Variants in GALNT3 observed in about 807,000 individuals in gnomAD.
GALNT3 encodes GalNAc transferase 3.
In GALNT3, 51 loss-of-function variants were observed where a neutral mutation model predicts 69.8. The observed-to-expected ratio is 0.73, with a 90% confidence interval of 0.58 to 0.92. The LOEUF (loss-of-function observed/expected upper bound fraction) is 0.92, where lower values mean the gene tolerates loss of function less well. Ranked by LOEUF, GALNT3 falls within the 40% of genes least tolerant of loss-of-function variation. The pLI, the probability that GALNT3 is intolerant of heterozygous loss-of-function variation, is 0.00. For synonymous variants in GALNT3, 265 were observed against 248.5 expected (o/e 1.07, Z -0.63); for missense variants, 711 against 760.0 (o/e 0.94, Z 0.76).
intron 4 of GALNT3, among the ~76,000 whole-genome samples, chr2:165,760,457 C>G (rs1442691973): frequency 6.6e-6 from 1 of 152,200 alleles, no homozygotes; most frequent in Non-Finnish European, 1.5e-5. Context: ...GGGCTCCCCA[C>G]AAAGCAGTAT....
intron 1 of GALNT3, among the ~76,000 whole-genome samples, chr2:165,780,036 C>T (rs950900705): frequency 8.5e-5 from 13 of 152,134 alleles, no homozygotes; most frequent in South Asian, 2.1e-4. Context: ...GGCTGATCCC[C>T]GCAGGGGCTC....
At chr2:165,779,203 G>A (rs1453207019) in intron 1 of GALNT3, among the ~76,000 whole-genome samples, 1 of 152,156 alleles carries the variant, frequency 6.6e-6, no homozygotes, top group Non-Finnish European at 1.5e-5. Context: ...ACCAGAAAGA[G>A]AAGCCTCAGC....
At chr2:165,778,821 CAGG>C (rs1683035257) in intron 1 of GALNT3, among the ~76,000 whole-genome samples, 2 of 152,310 alleles carry the variant, frequency 1.3e-5, no homozygotes, top group East Asian at 1.9e-4. Flanking sequence ...TTGTCCCCTG[CAGG>C]AGTTTAGTGA....
chr2:165,755,743 T>C (rs536019939), intron 7 of GALNT3, among the ~76,000 whole-genome samples: 14 of 152,324 alleles, frequency 9.2e-5, no homozygotes, highest in African/African-American at 2.6e-4. Flanking sequence ...AAAAAGTACA[T>C]GTAATATCTA....
chr2:165,771,247 T>C (rs1281864134), intron 1 of GALNT3: 1 of 152,196 alleles, frequency 6.6e-6, no homozygotes, highest in African/African-American at 2.4e-5. Flanking sequence ...ATAGTGGCCT[T>C]CATTTTATGT....
chr2:165,785,432 G>T (rs566818775), intron 1 of GALNT3, among the ~76,000 whole-genome samples: 1 of 152,024 alleles, frequency 6.6e-6, no homozygotes, highest in African/African-American at 2.4e-5. Flanking sequence ...TGGTGTCAGA[G>T]GGCAACAGTG....
At chr2:165,793,203 T>C (rs1683388977) in intron 1 of GALNT3, among the ~76,000 whole-genome samples, 1 of 152,284 alleles carries the variant, frequency 6.6e-6, no homozygotes. Context: ...GGCAGGATCC[T>C]GAAACAATGT....
At position 165,760,138 on chromosome 2, in the gene GALNT3, T is replaced by C. The variant is rs527396222; in HGVS notation, c.839-568A>G. On this transcript the variant is annotated intron_variant, in intron 4 of 10. Coordinates refer to ENST00000392701, the MANE Select transcript of GALNT3 (RefSeq NM_004482.4). ...GTTAAAATGGCCTATGAGTCAAAGG[T>C]AGCTTTTTGCTGTTCCACATTACCT... Among the ~76,000 whole-genome samples the C allele has an allele frequency of 3.3e-5, 5 of 152,318 alleles. No individual in the cohort carries two copies. The South Asian group carries it at 1.0e-3, about 32-fold the overall frequency.
Position 165,770,545 on chromosome 2 carries a change from C to G in GALNT3, c.156G>C (p.Met52Ile). The change falls in exon 2 of 11, where the codon ATG becomes ATC. Residue 52 changes from methionine to isoleucine, a missense_variant. Met to Ile is a conservative substitution (Grantham distance 10, BLOSUM62 1). Coordinates refer to ENST00000392701, the MANE Select transcript of GALNT3 (RefSeq NM_004482.4). ...SVQYSKEESRMERNMKNKNKM... is the reference protein window; with the variant it reads ...SVQYSKEESRIERNMKNKNKM... ...TGTTTTTGTTTTTCATGTTCCTTTC[C>G]ATCCTTGATTCCTCTTTGGAATATT... 6.2e-7 allele frequency: 1 copy of G among 1,614,010 alleles called. No individual in the cohort carries two copies. Among genetic ancestry groups the G allele is most frequent in the Non-Finnish European group, 8.5e-7 (1 of 1,179,958 alleles).
intron 1 of GALNT3, among the ~76,000 whole-genome samples, chr2:165,787,681 C>T (rs899063251): frequency 3.3e-5 from 5 of 152,198 alleles, no homozygotes; most frequent in Non-Finnish European, 5.9e-5. Flanking sequence ...GAAAGGACTG[C>T]TAATTCCAAG....
chr2:165,794,291 T>TGCGCGCCA (rs1206238940), upstream of GALNT3: 1 of 152,408 alleles, frequency 6.6e-6, no homozygotes, highest in Non-Finnish European at 1.5e-5. Context: ...CTTCCGCGCC[T>TGCGCGCCA]GCGCGCCAGC....
rs1688283911 is a variant in GALNT3 at position 165,747,675 on chromosome 2, C to A, written c.*1106G>T. Reference sequence around the variant, plus strand: ...ATTTTGCTATTCCTCATTTTTTGTGCCATAAGAAATATCTGATGGTTTTAC... The same window carrying A: ...ATTTTGCTATTCCTCATTTTTTGTGACATAAGAAATATCTGATGGTTTTAC... On this transcript the variant is annotated 3_prime_UTR_variant, in exon 11 of 11. Transcript: ENST00000392701. 6.5e-6 allele frequency: 1 copy of A among 153,434 alleles called. No individual in the cohort carries two copies. Among genetic ancestry groups the A allele is most frequent in the Non-Finnish European group, 1.4e-5 (1 of 69,044 alleles). The allele number at this position is 153,434 out of a possible 1,614,324, so 9.5% of individuals were successfully genotyped here.
intron 2 of GALNT3, among the ~76,000 whole-genome samples, chr2:165,769,694 T>C (rs1377026777): frequency 6.6e-6 from 1 of 152,086 alleles, no homozygotes; most frequent in Non-Finnish European, 1.5e-5. Context: ...AATTAGGTAC[T>C]CAAAAACTTT....
chr2:165,760,913 T>C (rs1365368022), intron 4 of GALNT3, among the ~76,000 whole-genome samples: 1 of 152,068 alleles, frequency 6.6e-6, no homozygotes, highest in Non-Finnish European at 1.5e-5. Context: ...AAACTTTGAC[T>C]CTGAAAATAA....
intron 1 of GALNT3, among the ~76,000 whole-genome samples, chr2:165,788,316 C>CAAAA: frequency 2.0e-5 from 1 of 49,310 alleles, no homozygotes; most frequent in Non-Finnish European, 4.6e-5. Flanking sequence ...GACATCACCT[C>CAAAA]AAAAAAAAAA....
At chr2:165,793,422 C>A (rs1207763254) in intron 1 of GALNT3, among the ~76,000 whole-genome samples, 1 of 152,162 alleles carries the variant, frequency 6.6e-6, no homozygotes, top group Non-Finnish European at 1.5e-5. Context: ...AGTGCAGAGT[C>A]GAAACAGAGA....
chr2:165,769,163 T>C (rs1688701991), intron 2 of GALNT3, among the ~76,000 whole-genome samples: 1 of 146,086 alleles, frequency 6.8e-6, no homozygotes, highest in Non-Finnish European at 1.5e-5. Context: ...CCCAGCACTT[T>C]GGGAGGCTGA....
At chr2:165,760,512 T>G (rs544038368) in intron 4 of GALNT3, among the ~76,000 whole-genome samples, 2 of 152,208 alleles carry the variant, frequency 1.3e-5, no homozygotes, top group African/African-American at 4.8e-5. Flanking sequence ...ATCCACCCAG[T>G]GGGTAGTGGG....
Position 165,748,917 on chromosome 2 carries a change from AAAC to A in GALNT3, c.1780-17_1780-15del. 2 of 1,606,042 alleles carry A rather than the reference AAAC, an allele frequency of 1.2e-6. No individual in the cohort carries two copies. Among genetic ancestry groups the A allele is most frequent in the Non-Finnish European group, 1.7e-6 (2 of 1,174,532 alleles). On this transcript the variant is annotated splice_polypyrimidine_tract_variant and intron_variant, in intron 10 of 10. Transcript: ENST00000392701. The stretch of plus-strand genomic sequence containing the variant: ...TAGAAGTTGATCCTAGAATAAAAGG[AAAC>A]AACAGACATTAAATTCCAAGACTCA...
Sources: gnomAD v4.1 joint callset for allele counts (sites outside exome capture counted in the v4.1 genomes callset) on GRCh38, gnomAD v4.1.1 for gene constraint, MANE v1.5 for transcripts, NCBI Gene and HGNC (gene_info 2026-07-23, HGNC 2026-07-21) for gene names.